The following BCKDHA variants were observed in gnomAD, a reference collection of about 807,000 sequenced individuals.
The protein encoded by BCKDHA is 2-oxoisovalerate dehydrogenase subunit alpha, mitochondrial.
In BCKDHA, 43 loss-of-function variants were observed where a neutral mutation model predicts 52.2. The observed-to-expected ratio is 0.82, with a 90% CI of 0.64 to 1.06. The LOEUF is 1.06. BCKDHA is among the 50% of genes least tolerant of loss of function. The pLI is 0.00. For missense variants in BCKDHA, 527 were observed against 621.3 expected, an observed-to-expected ratio of 0.85 and a Z score of 1.61; for synonymous variants, 234 against 247.9, an observed-to-expected ratio of 0.94 and a Z score of 0.53.
intron 5 of BCKDHA, among the ~76,000 whole-genome samples, 179 bp downstream of exon 5, chr19:41,419,475 A>G (rs2039341663): frequency 6.6e-6 from 1 of 151,864 alleles, no homozygotes; most frequent in Non-Finnish European, 1.5e-5. Context: ...GGAGTCTTGC[A>G]CTGTTGCCCA....
intron 4 of BCKDHA, among the ~76,000 whole-genome samples, chr19:41,414,542 C>G (rs1475914012): frequency 6.6e-6 from 1 of 152,082 alleles, no homozygotes; most frequent in Non-Finnish European, 1.5e-5. Context: ...TGCAGGAGAC[C>G]CTGTCTGCCT....
intron 1 of BCKDHA, among the ~76,000 whole-genome samples, chr19:41,403,684 C>A (rs2039161394): frequency 6.6e-6 from 1 of 152,184 alleles, no homozygotes; most frequent in Non-Finnish European, 1.5e-5. Context: ...ACTATCTGAT[C>A]CTAGCTGGTG....
intron 4 of BCKDHA, 134 bp from the exon 5 acceptor site, chr19:41,419,001 C>G (rs2039335678): frequency 9.3e-7 from 1 of 1,073,052 alleles, no homozygotes; most frequent in Non-Finnish European, 1.4e-6. Context: ...GTCAGTCAGT[C>G]TGAACATCAG....
In BCKDHA at chr19:41,424,472, C is replaced by G. The variant is rs753457028; in HGVS notation, c.1202C>G (p.Pro401Arg). 6.2e-7 allele frequency: 1 copy of G among 1,614,044 alleles called. No homozygotes were observed. Among genetic ancestry groups the G allele is most frequent in the Non-Finnish European group, 8.5e-7 (1 of 1,180,048 alleles). Residue 401 changes from proline (P) to arginine (R), a missense_variant, in exon 9 of 9, where the codon CCC becomes CGC. Physicochemically the swap from Pro to Arg is moderately radical, Grantham distance 103. Transcript: ENST00000269980. ...MEAFEQAERKPKPNPNLLFSD... is the reference protein window; with the variant it reads ...MEAFEQAERKRKPNPNLLFSD... ...GCCTTTGAGCAGGCCGAGCGGAAGC[C>G]CAAACCCAACCCCAACCTACTCTTC...
intron 4 of BCKDHA, 80 bp downstream of exon 4, chr19:41,414,237 G>T: frequency 2.2e-6 from 3 of 1,359,342 alleles, no homozygotes; most frequent in Non-Finnish European, 3.1e-6. Context: ...TCCAGGAGCA[G>T]CATAGTGCCA....
At chr19:41,424,369 C>CT (rs2039403952) in intron 8 of BCKDHA, 69 bp from the exon 9 acceptor site, 1 of 1,580,110 alleles carries the variant, frequency 6.3e-7, no homozygotes. Context: ...CTTGCCAAGG[C>CT]CCCGCAGGAG....
Position 41,397,855 on chromosome 19 carries a change from G to T in BCKDHA, c.28G>T (p.Val10Phe), listed in dbSNP as rs1307495247. 6.2e-7 allele frequency: 1 copy of T among 1,614,208 alleles called. No homozygotes were observed. Among genetic ancestry groups the T allele is most frequent in the South Asian group, 1.1e-5 (1 of 91,082 alleles). The change falls in exon 1 of 9, where the codon GTC (valine) becomes TTC (phenylalanine). Residue 10 changes from valine (V) to phenylalanine (F), a missense_variant. Coordinates refer to ENST00000269980, the MANE Select transcript of BCKDHA (RefSeq NM_000709.4). MAVAIAAAR[V>F]WRLNRGLSQA... ...GGCGGTAGCGATCGCTGCAGCGAGG[G>T]TCTGGCGGCTAAACCGTGGTTTGAG...
chr19:41,410,549 C>T (rs532380052), intron 1 of BCKDHA, 88 bp from the exon 2 acceptor site: 2 of 1,474,562 alleles, frequency 1.4e-6, no homozygotes, highest in African/African-American at 2.8e-5. Context: ...GCTCAACCAC[C>T]ATGCCGCCTG....
At position 41,424,434 on chromosome 19, in the gene BCKDHA, A is replaced by G. The variant is rs2039405052; in HGVS notation, c.1168-4A>G. The G allele has an allele frequency of 6.2e-7, 1 of 1,613,900 alleles. No homozygotes were observed. Among genetic ancestry groups the G allele is most frequent in the Middle Eastern group, 1.6e-4 (1 of 6,062 alleles). ...AGCCTGCCCACTGCCCCATGTCCCC[A>G]CAGGTGATGGAGGCCTTTGAGCAGG... On this transcript the variant is annotated splice_region_variant and splice_polypyrimidine_tract_variant and intron_variant, in intron 8 of 8. Coordinates refer to ENST00000269980, the MANE Select transcript of BCKDHA (RefSeq NM_000709.4).
intron 5 of BCKDHA, among the ~76,000 whole-genome samples, chr19:41,421,387 G>C (rs571459136): frequency 2.0e-5 from 3 of 152,152 alleles, no homozygotes; most frequent in African/African-American, 7.2e-5. Context: ...AGCCAGCCGG[G>C]TGTGGTGCAC....
At chr19:41,407,235 G>A (rs12327776) in intron 1 of BCKDHA, among the ~76,000 whole-genome samples, 5,135 of 152,198 alleles carry the variant, frequency 0.034, 281 homozygotes, top group African/African-American at 0.12. Context: ...AACTTTTCAC[G>A]TGGTGTTCTG....
chr19:41,414,247 A>G (rs2039286470), intron 4 of BCKDHA, 90 bp downstream of exon 4: 1 of 1,282,432 alleles, frequency 7.8e-7, no homozygotes, highest in Admixed American at 1.9e-5. Context: ...GCATAGTGCC[A>G]GGAAGGTCTA....
chr19:41,421,231 G>A (rs751730339), intron 5 of BCKDHA, among the ~76,000 whole-genome samples: 5 of 152,184 alleles, frequency 3.3e-5, no homozygotes, highest in African/African-American at 7.2e-5. Flanking sequence ...GCCATGTGCC[G>A]GTGCCACTCC....
chr19:41,407,538 C>T (rs1599951129), intron 1 of BCKDHA, among the ~76,000 whole-genome samples: 1 of 152,284 alleles, frequency 6.6e-6, no homozygotes, highest in East Asian at 1.9e-4. Context: ...AAGCACTGTG[C>T]TGCAAGAGGC....
intron 1 of BCKDHA, among the ~76,000 whole-genome samples, 190 bp from the exon 2 acceptor site, chr19:41,410,447 G>A (rs1031383462): frequency 6.6e-6 from 1 of 152,224 alleles, no homozygotes; most frequent in African/African-American, 2.4e-5. Flanking sequence ...CACAGAAGTT[G>A]TAGTCAGTTA....
chr19:41,402,966 G>A (rs4803461), intron 1 of BCKDHA, among the ~76,000 whole-genome samples: 87,478 of 151,908 alleles, frequency 0.58, 25,419 homozygotes, highest in Middle Eastern at 0.61. Context: ...CTTGTCTTTC[G>A]CCTCTTTCCA....
At chr19:41,411,038 G>A in intron 3 of BCKDHA, 29 bp downstream of exon 3, 1 of 1,610,686 alleles carries the variant, frequency 6.2e-7, no homozygotes, top group African/African-American at 1.3e-5. Context: ...AGGGGCGGGG[G>A]GCTGGAATTA....
intron 1 of BCKDHA, among the ~76,000 whole-genome samples, chr19:41,401,420 G>A (rs2039137561): frequency 6.6e-6 from 1 of 152,126 alleles, no homozygotes; most frequent in Non-Finnish European, 1.5e-5. Flanking sequence ...AAATAGTCAG[G>A]GAAAGGTTGA....
At chr19:41,418,654 C>T in intron 4 of BCKDHA, 3 of 420,762 alleles carry the variant, frequency 7.1e-6, no homozygotes, top group Non-Finnish European at 1.4e-5. Context: ...CCTCAGCCTC[C>T]CAAGTAGCTG....
Sources: allele counts gnomAD v4.1 joint callset (sites outside exome capture counted in the v4.1 genomes callset), GRCh38; gene constraint gnomAD v4.1.1; transcripts MANE v1.5; gene names NCBI Gene and HGNC (gene_info 2026-07-23, HGNC 2026-07-21).